The following AGBL1 variants were observed in gnomAD, a reference collection of about 807,000 sequenced individuals.
AGBL1 encodes cytosolic carboxypeptidase 4.
In AGBL1, 130 loss-of-function variants were observed where a neutral mutation model predicts 118.9. The ratio of observed to expected loss-of-function variants is 1.09; its 90% CI spans 0.95 to 1.26. The LOEUF is 1.26. Ranked by LOEUF, AGBL1 falls within the 50% of genes most tolerant of loss-of-function variation. AGBL1 has a pLI of 0.00. For synonymous variants in AGBL1, 555 were observed against 478.9 expected (o/e 1.16, Z -2.08); for missense variants, 1,584 against 1,298.1 (o/e 1.22, Z -3.38).
At chr15:86,196,879 G>GCGCGCGCACACACACACA (rs756313941) in intron 5 of AGBL1, among the ~76,000 whole-genome samples, 98 of 117,008 alleles carry the variant, frequency 8.4e-4, no homozygotes, top group Middle Eastern at 4.6e-3. Flanking sequence ...GCGCGCGCGC[G>GCGCGCGCACACACACACA]CACACACACA....
intron 18 of AGBL1, among the ~76,000 whole-genome samples, chr15:86,514,218 A>G (rs1249947096): frequency 6.6e-6 from 1 of 151,916 alleles, no homozygotes; most frequent in Non-Finnish European, 1.5e-5. Flanking sequence ...TTATGCTGAT[A>G]CCTCTGATTT....
chr15:86,958,698 T>C (rs1258458510), intron 23 of AGBL1, among the ~76,000 whole-genome samples: 3 of 152,156 alleles, frequency 2.0e-5, no homozygotes, highest in Non-Finnish European at 2.9e-5. Flanking sequence ...AAATCGATCT[T>C]AGAAAAATTT....
chr15:86,992,727 T>G (rs1302338035), intron 24 of AGBL1, among the ~76,000 whole-genome samples: 1 of 149,410 alleles, frequency 6.7e-6, no homozygotes, highest in East Asian at 1.9e-4. Context: ...TTTTTTTTTT[T>G]TGTAATGATT....
intron 17 of AGBL1, among the ~76,000 whole-genome samples, chr15:86,361,048 G>T (rs1202761730): frequency 6.6e-6 from 1 of 151,474 alleles, no homozygotes; most frequent in Non-Finnish European, 1.5e-5. Context: ...TTTCTTAAAG[G>T]TATAAAATTT....
intron 14 of AGBL1, among the ~76,000 whole-genome samples, chr15:86,270,332 G>C (rs12916391): frequency 0.22 from 33,088 of 152,096 alleles, 4,006 homozygotes; most frequent in Middle Eastern, 0.33. Flanking sequence ...TGAGGTTGGT[G>C]AGCGTTCTCA....
At chr15:86,722,351 C>T (rs899086231) in intron 22 of AGBL1, among the ~76,000 whole-genome samples, 19 of 152,098 alleles carry the variant, frequency 1.2e-4, no homozygotes, top group African/African-American at 3.6e-4. Flanking sequence ...GAAATAATGC[C>T]GCATATCTAC....
chr15:86,944,033 A>G (rs1336245464), intron 23 of AGBL1, among the ~76,000 whole-genome samples: 2 of 152,164 alleles, frequency 1.3e-5, no homozygotes, highest in African/African-American at 4.8e-5. Context: ...TGCCTAAGAT[A>G]AAATGAAATC....
At chr15:87,012,509 T>C (rs1352843048) in intron 24 of AGBL1, among the ~76,000 whole-genome samples, 1 of 152,072 alleles carries the variant, frequency 6.6e-6, no homozygotes, top group Non-Finnish European at 1.5e-5. Flanking sequence ...AAGGAAATTG[T>C]TCACAGTCAC....
At chr15:86,304,521 T>C (rs1380715676) in intron 17 of AGBL1, among the ~76,000 whole-genome samples, 3 of 152,208 alleles carry the variant, frequency 2.0e-5, no homozygotes, top group African/African-American at 7.2e-5. Context: ...GTTGTATTTT[T>C]TTCTATTGTA....
rs571642045 is a variant in AGBL1, at chr15:86,624,377, C to T, written c.2995-49896C>T. Among the ~76,000 whole-genome samples the T allele has an allele frequency of 2.6e-5, 4 of 152,320 alleles. No homozygotes were observed. In the South Asian group the frequency reaches 6.2e-4, roughly 24 times the overall value. On this transcript the variant is annotated intron_variant, in intron 21 of 22. Coordinates refer to ENST00000614907, the MANE Select transcript of AGBL1 (RefSeq NM_001386094.1). ...GCTATTGGGCATGGAACACATTCAA[C>T]ATGCAGTAACATTTATTGAGCACCT...
intron 22 of AGBL1, among the ~76,000 whole-genome samples, chr15:86,872,891 A>G (rs1199278255): frequency 6.6e-6 from 1 of 152,198 alleles, no homozygotes; most frequent in African/African-American, 2.4e-5. Flanking sequence ...TACACAGCCA[A>G]TGTGAAGACA....
chr15:86,202,274 C>T (rs893563983), intron 5 of AGBL1, among the ~76,000 whole-genome samples: 3 of 152,146 alleles, frequency 2.0e-5, no homozygotes, highest in Admixed American at 1.3e-4. Context: ...GCCTGGGTGA[C>T]AGAGTGAGAC....
intron 22 of AGBL1, among the ~76,000 whole-genome samples, chr15:86,705,112 G>T (rs1259943008): frequency 6.6e-6 from 1 of 152,026 alleles, no homozygotes; most frequent in African/African-American, 2.4e-5. Context: ...GGAGGGAAAC[G>T]TCACACACTG....
At chr15:86,318,526 G>T (rs919946719) in intron 17 of AGBL1, among the ~76,000 whole-genome samples, 1 of 151,320 alleles carries the variant, frequency 6.6e-6, no homozygotes, top group African/African-American at 2.4e-5. Context: ...ACAGACGTGT[G>T]TAGCTATTAA....
rs902031764 is a variant in AGBL1 at position 86,107,971 on chromosome 15, C to G, written c.51+27948C>G. Reference sequence around the variant, plus strand: ...ATAGAGTAAGAACCAAGACAACAACCAATTCATGCATAGGGAGAGCCCAGA... The same window carrying G: ...ATAGAGTAAGAACCAAGACAACAACGAATTCATGCATAGGGAGAGCCCAGA... On this transcript the variant is annotated intron_variant, in intron 1 of 22. Transcript: ENST00000614907. Among the ~76,000 whole-genome samples, 36 of 152,266 alleles carry G rather than the reference C, an allele frequency of 2.4e-4. 2 individuals are homozygous for G. Among genetic ancestry groups the G allele is most frequent in the Admixed American group, 1.7e-3 (26 of 15,280 alleles).
chr15:86,776,780 G>A (rs2078262215), intron 22 of AGBL1, among the ~76,000 whole-genome samples: 10 of 150,696 alleles, frequency 6.6e-5, no homozygotes. Flanking sequence ...GTGTGTGTGT[G>A]TGTGTGTGTG....
chr15:86,554,424 G>T lies in AGBL1; in HGVS notation c.2881G>T (p.Val961Leu). 1 of 1,588,144 alleles carries T rather than the reference G, an allele frequency of 6.3e-7. No individual in the cohort carries two copies. The highest frequency in any genetic ancestry group is 8.6e-7 in the Non-Finnish European group (1 of 1,166,978). The change falls in exon 21 of 23, where the codon GTG becomes TTG. Residue 961 changes from valine to leucine, a missense_variant. Val to Leu is a conservative substitution (Grantham distance 32). Coordinates refer to ENST00000614907, the MANE Select transcript of AGBL1 (RefSeq NM_001386094.1). ...AFTMSSCSFLVEKSRASTARV... is the reference protein window; with the variant it reads ...AFTMSSCSFLLEKSRASTARV... ...CACAATGAGCAGCTGCAGCTTTCTCGTGGAGAAATCTCGAGCTTCCACGGC... is the reference window on the plus strand; with the variant it reads ...CACAATGAGCAGCTGCAGCTTTCTCTTGGAGAAATCTCGAGCTTCCACGGC...
chr15:86,743,561 T>C (rs2077711542), intron 22 of AGBL1, among the ~76,000 whole-genome samples: 1 of 152,122 alleles, frequency 6.6e-6, no homozygotes, highest in Non-Finnish European at 1.5e-5. Context: ...TGGGGAGCGT[T>C]CTTACCTGAA....
At chr15:86,230,352 A>G (rs778565036) in intron 6 of AGBL1, among the ~76,000 whole-genome samples, 5 of 152,194 alleles carry the variant, frequency 3.3e-5, no homozygotes, top group Non-Finnish European at 5.9e-5. Flanking sequence ...ATGCACCCAA[A>G]TCAGGTCTTT....
Sources: allele counts gnomAD v4.1 joint callset (sites outside exome capture counted in the v4.1 genomes callset), GRCh38; gene constraint gnomAD v4.1.1; transcripts MANE v1.5; gene names NCBI Gene and HGNC (gene_info 2026-07-23, HGNC 2026-07-21).